EPHB2: variants seen among roughly 807,000 people sequenced by gnomAD.
EPHB2 encodes EPH receptor B2.
In EPHB2, 18 loss-of-function variants were observed where a neutral mutation model predicts 96.4. The ratio of observed to expected loss-of-function variants is 0.19; its 90% CI spans 0.13 to 0.28. The LOEUF (loss-of-function observed/expected upper bound fraction) is 0.28. Among genes scored for constraint, EPHB2 ranks in the 10% least tolerant of loss-of-function variants. The pLI, the probability that EPHB2 is intolerant of heterozygous loss-of-function variation, is 1.00. For missense variants in EPHB2, 989 were observed against 1,355.4 expected, an observed-to-expected ratio of 0.73 and a Z score of 4.25; for synonymous variants, 506 against 534.1, an observed-to-expected ratio of 0.95 and a Z score of 0.72.
At position 22,913,645 on chromosome 1, in the gene EPHB2, C is replaced by T. The variant is rs1291349224; in HGVS notation, c.*75C>T. 6.2e-7 allele frequency: 1 copy of T among 1,602,174 alleles called. No individual in the cohort carries two copies. Among genetic ancestry groups the T allele is most frequent in the African/African-American group, 1.3e-5 (1 of 74,824 alleles). On this transcript the variant is annotated 3_prime_UTR_variant, in exon 16 of 16. Coordinates refer to ENST00000374630, the MANE Select transcript of EPHB2 (RefSeq NM_017449.5). The surrounding 1 kb of genome is among the most constrained non-coding windows in gnomAD (Gnocchi z 4.1). ...CCCACGTGCCGGCCCTCCTGGTGCT[C>T]TATCCACTGCAGGGCCAGCCACTCG...
intron 3 of EPHB2, among the ~76,000 whole-genome samples, chr1:22,793,151 C>G (rs1644719202): frequency 6.6e-6 from 1 of 152,206 alleles, no homozygotes. Flanking sequence ...TTCTTTCTCT[C>G]TGGTCTTCAA....
rs747350024 is a variant in EPHB2 at position 22,865,137 on chromosome 1, G to A, written c.1228G>A (p.Ala410Thr). The A allele has an allele frequency of 6.2e-7, 1 of 1,614,204 alleles. No individual in the cohort carries two copies. Among genetic ancestry groups the A allele is most frequent in the South Asian group, 1.1e-5 (1 of 91,088 alleles). The change falls in exon 5 of 16, where the codon GCT becomes ACT. Residue 410 changes from alanine to threonine, a missense_variant. Ala to Thr is a moderately conservative substitution (Grantham distance 58). Coordinates refer to ENST00000374630, the MANE Select transcript of EPHB2 (RefSeq NM_017449.5). ...CACCCAGTACACCTTCGAGATCCAGGCTGTGAACGGCGTTACTGACCAGAG... is the reference window on the plus strand; with the variant it reads ...CACCCAGTACACCTTCGAGATCCAGACTGTGAACGGCGTTACTGACCAGAG... Reference protein sequence around the residue: ...AHTQYTFEIQAVNGVTDQSPF... With the variant: ...AHTQYTFEIQTVNGVTDQSPF...
rs1017174010 is a variant in EPHB2 at position 22,865,168 on chromosome 1, T to A, written c.1259T>A (p.Phe420Tyr). Residue 420 changes from phenylalanine to tyrosine, a missense_variant, in exon 5 of 16, where the codon TTC (phenylalanine) becomes TAC (tyrosine). By Grantham distance (22) the Phe-to-Tyr change is conservative (BLOSUM62 3). Coordinates refer to ENST00000374630, the MANE Select transcript of EPHB2 (RefSeq NM_017449.5). The stretch of plus-strand genomic sequence containing the variant: ...AACGGCGTTACTGACCAGAGCCCCT[T>A]CTCGCCTCAGTTCGCCTCTGTGAAC... ...AVNGVTDQSP[F>Y]SPQFASVNIT... The A allele has an allele frequency of 6.2e-6, 10 of 1,614,164 alleles. No individual in the cohort carries two copies. Among genetic ancestry groups the A allele is most frequent in the Non-Finnish European group, 8.5e-6 (10 of 1,180,030 alleles).
intron 3 of EPHB2, among the ~76,000 whole-genome samples, chr1:22,837,978 C>T (rs1275076200): frequency 6.6e-6 from 1 of 152,210 alleles, no homozygotes; most frequent in African/African-American, 2.4e-5. Context: ...AATAGGGGAG[C>T]TTGGCTCCTA....
chr1:22,801,940 G>A (rs928167894), intron 3 of EPHB2, among the ~76,000 whole-genome samples: 4 of 152,216 alleles, frequency 2.6e-5, no homozygotes, highest in African/African-American at 9.6e-5. Flanking sequence ...CAGCCGCGCC[G>A]AATCCCGCCT....
chr1:22,817,424 G>A (rs1258094409), intron 3 of EPHB2, among the ~76,000 whole-genome samples: 1 of 152,168 alleles, frequency 6.6e-6, no homozygotes, highest in Non-Finnish European at 1.5e-5. Flanking sequence ...CAGTTGCCTG[G>A]GTCAGAGCCC....
rs1246551775 is a variant in EPHB2, at chr1:22,875,241, C to T, written c.1304-7118C>T. On this transcript the variant is annotated intron_variant, in intron 5 of 15. Transcript: ENST00000374630. The surrounding 1 kb of genome is among the most constrained non-coding windows in gnomAD (Gnocchi z 4.2). ...CAGCCAGATCATCGGGGGTTAACTGCGTTGCTACGGGTTTAAGGGACAAAC... is the reference window on the plus strand; with the variant it reads ...CAGCCAGATCATCGGGGGTTAACTGTGTTGCTACGGGTTTAAGGGACAAAC... Among the ~76,000 whole-genome samples, 1 of 152,188 alleles carries T rather than the reference C, an allele frequency of 6.6e-6. No homozygotes were observed. The highest frequency in any genetic ancestry group is 1.9e-4 in the East Asian group (1 of 5,206).
At chr1:22,768,223 C>T (rs1644332444) in intron 1 of EPHB2, among the ~76,000 whole-genome samples, 1 of 152,220 alleles carries the variant, frequency 6.6e-6, no homozygotes, top group Non-Finnish European at 1.5e-5. Flanking sequence ...CTGCTCCTGA[C>T]CAGCTGTGTG....
chr1:22,900,215 A>G (rs577610288), intron 9 of EPHB2, among the ~76,000 whole-genome samples: 3 of 150,356 alleles, frequency 2.0e-5, no homozygotes, highest in Admixed American at 6.6e-5. Context: ...AATTGCTTGA[A>G]CCTGGGAGGC....
chr1:22,884,499 A>C (rs551247284), intron 6 of EPHB2, among the ~76,000 whole-genome samples: 21 of 152,066 alleles, frequency 1.4e-4, no homozygotes, highest in Non-Finnish European at 2.6e-4. Flanking sequence ...GCACACCTGT[A>C]ATCCCAGCTA....
rs200412547 is a variant in EPHB2 at position 22,865,037 on chromosome 1, G to C, written c.1128G>C (p.Gly376=). 170 of 1,613,498 alleles carry C rather than the reference G, an allele frequency of 1.1e-4. No homozygotes were observed. Among genetic ancestry groups the C allele is most frequent in the Non-Finnish European group, 4.6e-5 (54 of 1,179,606 alleles). The change falls in exon 5 of 16, where the codon GGG becomes GGC. Residue 376 remains glycine, a synonymous_variant. Coordinates refer to ENST00000374630, the MANE Select transcript of EPHB2 (RefSeq NM_017449.5). Reference sequence around the variant, plus strand: ...GCCGGGGTGCCTGCACCCGCTGCGGGGACAATGTACAGTACGCACCACGCC... The same window carrying C: ...GCCGGGGTGCCTGCACCCGCTGCGGCGACAATGTACAGTACGCACCACGCC... ...GSGRGACTRC[G]DNVQYAPRQL...
intron 3 of EPHB2, among the ~76,000 whole-genome samples, chr1:22,814,558 C>T (rs1422966064): frequency 2.0e-5 from 3 of 152,238 alleles, no homozygotes; most frequent in Non-Finnish European, 4.4e-5. Context: ...CCTGTCAAGC[C>T]TCCTTGCACT....
At chr1:22,739,461 C>G (rs1643879031) in intron 1 of EPHB2, among the ~76,000 whole-genome samples, 1 of 152,212 alleles carries the variant, frequency 6.6e-6, no homozygotes, top group African/African-American at 2.4e-5. Flanking sequence ...AGTGATCCAC[C>G]TGCCTTGGCC....
chr1:22,846,089 C>A lies in EPHB2; in HGVS notation c.812-16948C>A, dbSNP rs1645536743. On this transcript the variant is annotated intron_variant, in intron 3 of 15. Coordinates refer to ENST00000374630, the MANE Select transcript of EPHB2 (RefSeq NM_017449.5). The surrounding 1 kb of genome is among the most constrained non-coding windows in gnomAD (Gnocchi z 4.3). ...CAGAGGAGCCCAGGATGCCCAGGTA[C>A]CTGCTCTGCTGCAAAGGACTTAATG... 6.6e-6 allele frequency among the ~76,000 whole-genome samples: 1 copy of A among 152,076 alleles called. No individual in the cohort carries two copies. Among genetic ancestry groups the A allele is most frequent in the Admixed American group, 6.6e-5 (1 of 15,264 alleles).
chr1:22,779,875 G>A (rs1197152921), intron 1 of EPHB2, among the ~76,000 whole-genome samples: 1 of 152,154 alleles, frequency 6.6e-6, no homozygotes, highest in Non-Finnish European at 1.5e-5. Flanking sequence ...GCCTGCCCTG[G>A]GCACAGAATT....
chr1:22,814,372 A>G (rs1230889055), intron 3 of EPHB2, among the ~76,000 whole-genome samples: 1 of 152,086 alleles, frequency 6.6e-6, no homozygotes, highest in Non-Finnish European at 1.5e-5. Flanking sequence ...CCCTAATGCA[A>G]GTCGACATTC....
chr1:22,716,532 G>C (rs192179506), intron 1 of EPHB2, among the ~76,000 whole-genome samples: 1 of 152,046 alleles, frequency 6.6e-6, no homozygotes, highest in Non-Finnish European at 1.5e-5. Context: ...CGGGGCGGGG[G>C]TTCACCATGT....
chr1:22,802,883 C>T (rs149447028), intron 3 of EPHB2, among the ~76,000 whole-genome samples: 1,860 of 152,284 alleles, frequency 0.012, 51 homozygotes, highest in African/African-American at 0.041. Context: ...TCTGCCATGG[C>T]CTCTGCCCCC....
chr1:22,824,501 C>G lies in EPHB2; in HGVS notation c.812-38536C>G, dbSNP rs138126601. On this transcript the variant is annotated intron_variant, in intron 3 of 15. Coordinates refer to ENST00000374630, the MANE Select transcript of EPHB2 (RefSeq NM_017449.5). ...GGGTCCAGGGTCTCTCTGGCGGTGC[C>G]AATATTCAGAAACTGGTATAGGATG... is the stretch of plus-strand genomic sequence containing the variant. Among the ~76,000 whole-genome samples, 35 of 152,038 alleles carry G rather than the reference C, an allele frequency of 2.3e-4. No individual in the cohort carries two copies. In the East Asian group the frequency reaches 6.2e-3, roughly 27 times the overall value.
Sources: allele counts gnomAD v4.1 joint callset (sites outside exome capture counted in the v4.1 genomes callset), GRCh38; gene constraint gnomAD v4.1.1; non-coding constraint Gnocchi (gnomAD v3.1); transcripts MANE v1.5; gene names NCBI Gene and HGNC (gene_info 2026-07-23, HGNC 2026-07-21).